Variants in LAMC1 observed in about 807,000 individuals in gnomAD.
LAMC1 encodes laminin subunit gamma 1.
Under a neutral mutation model 173.6 loss-of-function variants are expected in LAMC1, and 38 were observed. The ratio of observed to expected loss-of-function variants is 0.22; its 90% CI spans 0.17 to 0.29. The LOEUF (loss-of-function observed/expected upper bound fraction) is 0.29. Ranked by LOEUF, LAMC1 falls within the 10% of genes least tolerant of loss-of-function variation. The pLI, the probability that LAMC1 is intolerant of heterozygous loss-of-function variation, is 1.00. For missense variants in LAMC1, 1,824 were observed against 2,051.8 expected (o/e 0.89, Z 2.14); for synonymous variants, 746 against 749.1 (o/e 1.00, Z 0.07).
intron 1 of LAMC1, among the ~76,000 whole-genome samples, chr1:183,046,161 T>A (rs1158394058): frequency 6.6e-6 from 1 of 152,122 alleles, no homozygotes; most frequent in Admixed American, 6.5e-5. Flanking sequence ...ATGTAAGAAG[T>A]CTTTCCTTAT....
At chr1:183,131,188 A>T in intron 19 of LAMC1, 111 bp from the exon 20 acceptor site, 1 of 718,198 alleles carries the variant, frequency 1.4e-6, no homozygotes, top group Non-Finnish European at 2.4e-6. Flanking sequence ...AAAAAAAAAA[A>T]AAGGTAGAGG....
chr1:183,042,933 G>A (rs1001323780), intron 1 of LAMC1, among the ~76,000 whole-genome samples: 4 of 152,174 alleles, frequency 2.6e-5, no homozygotes, highest in Non-Finnish European at 5.9e-5. Flanking sequence ...ACTTGACGAT[G>A]CTGATGGTGT....
intron 22 of LAMC1, among the ~76,000 whole-genome samples, 158 bp from the exon 23 acceptor site, chr1:183,134,502 A>G (rs1351382763): frequency 6.6e-6 from 1 of 152,210 alleles, no homozygotes; most frequent in Non-Finnish European, 1.5e-5. Context: ...GTGGGTGTAA[A>G]GTATATCTCA....
In LAMC1 at chr1:183,122,120, G is replaced by A; in HGVS notation, c.2270G>A (p.Gly757Glu). The A allele has an allele frequency of 1.1e-5, 17 of 1,614,186 alleles. No homozygotes were observed. The highest frequency in any genetic ancestry group is 1.4e-5 in the Non-Finnish European group (16 of 1,180,028). Residue 757 changes from glycine to glutamate, a missense_variant, in exon 13 of 28, where the codon GGG becomes GAG. By Grantham distance (98) the Gly-to-Glu change is moderately conservative. Transcript: ENST00000258341. ...AGPHCEKCSD[G>E]YYGDSTAGTS... is the part of the protein sequence containing the mutation. ...CCGCACTGTGAGAAGTGCAGTGATG[G>A]GTACTATGGAGATTCAACTGCAGGC...
intron 11 of LAMC1, 53 bp from the exon 12 acceptor site, chr1:183,121,670 A>G: frequency 6.7e-7 from 1 of 1,493,722 alleles, no homozygotes. Context: ...GACTTTACAC[A>G]AGGTTTGGAA....
Position 183,117,704 on chromosome 1 carries a change from A to G in LAMC1, c.1858A>G (p.Thr620Ala), listed in dbSNP as rs770156961. 2 of 1,613,922 alleles carry G rather than the reference A, an allele frequency of 1.2e-6. No individual in the cohort carries two copies. The highest frequency in any genetic ancestry group is 1.1e-5 in the South Asian group (1 of 91,024). ...GGGCAATTCCTATCCAAGTGAGACC[A>G]CTGTGAAGTATGTCTTCAGGTAAGA... is the stretch of plus-strand genomic sequence containing the variant. ...AQGNSYPSETTVKYVFRLHEA... is the reference protein window; with the variant it reads ...AQGNSYPSETAVKYVFRLHEA... Residue 620 changes from threonine to alanine, a missense_variant, in exon 10 of 28, where the codon ACT becomes GCT. Transcript: ENST00000258341.
In LAMC1 at chr1:183,032,693, T is replaced by C. The variant is rs555299337; in HGVS notation, c.418+8559T>C. Among the ~76,000 whole-genome samples the C allele has an allele frequency of 5.3e-5, 8 of 152,232 alleles. No individual in the cohort carries two copies. In the South Asian group the frequency reaches 1.7e-3, roughly 32 times the overall value. On this transcript the variant is annotated intron_variant, in intron 1 of 27. Transcript: ENST00000258341. ...ATGAGTCACCATGCCTGGCCTCTTT[T>C]TTTTCTTTTTTTGAATTTGGTACGT... is the stretch of plus-strand genomic sequence containing the variant.
chr1:183,111,683 T>C (rs1461453056), intron 4 of LAMC1, among the ~76,000 whole-genome samples: 1 of 152,212 alleles, frequency 6.6e-6, no homozygotes, highest in Non-Finnish European at 1.5e-5. Context: ...CTTACAAATA[T>C]TGTTTATCAT....
intron 4 of LAMC1, among the ~76,000 whole-genome samples, chr1:183,113,659 A>G (rs1656232266): frequency 6.6e-6 from 1 of 152,160 alleles, no homozygotes; most frequent in African/African-American, 2.4e-5. Context: ...TGGAGGATCT[A>G]GATTTCTTTT....
intron 1 of LAMC1, among the ~76,000 whole-genome samples, chr1:183,089,771 A>G (rs928391137): frequency 3.1e-4 from 47 of 152,202 alleles, no homozygotes; most frequent in Admixed American, 3.3e-4. Context: ...CTGTTCTAGG[A>G]CATAGTTTTT....
Position 183,064,583 on chromosome 1 carries a change from A to G in LAMC1, c.419-38745A>G, listed in dbSNP as rs576575560. 1.5e-4 allele frequency among the ~76,000 whole-genome samples: 23 copies of G among 152,316 alleles called. 1 individual carries two copies. Among genetic ancestry groups the G allele is most frequent in the Middle Eastern group, 6.8e-3 (2 of 294 alleles). On this transcript the variant is annotated intron_variant, in intron 1 of 27. Transcript: ENST00000258341. ...TTTTTACCCAATTTTTGGTGAATCA[A>G]TGAGTAACAGTGGCCGTAGTGGTGT... is the stretch of plus-strand genomic sequence containing the variant.
chr1:183,103,461 C>A lies in LAMC1; in HGVS notation c.552C>A (p.Asn184Lys), dbSNP rs754985806. 2.5e-6 allele frequency: 4 copies of A among 1,614,200 alleles called. No homozygotes were observed. In the Admixed American group the frequency reaches 6.7e-5, roughly 27 times the overall value. ...PYQYYSGSCE[N>K]TYSKANRGFI... The stretch of plus-strand genomic sequence containing the variant: ...AGTACTACAGTGGTTCCTGTGAGAA[C>A]ACCTACTCCAAGGCAAACCGCGGCT... The change falls in exon 2 of 28, where the codon AAC becomes AAA. Residue 184 changes from asparagine (N) to lysine (K), a missense_variant. Physicochemically the swap from Asn to Lys is moderately conservative, Grantham distance 94. Coordinates refer to ENST00000258341, the MANE Select transcript of LAMC1 (RefSeq NM_002293.4).
At chr1:183,091,943 T>C (rs552832157) in intron 1 of LAMC1, among the ~76,000 whole-genome samples, 2 of 152,274 alleles carry the variant, frequency 1.3e-5, no homozygotes, top group East Asian at 3.9e-4. Context: ...AGTAAGTAGG[T>C]TTTCTAAAAA....
intron 26 of LAMC1, among the ~76,000 whole-genome samples, chr1:183,138,780 G>A (rs181015042): frequency 7.5e-4 from 114 of 152,270 alleles, no homozygotes; most frequent in Non-Finnish European, 1.2e-3. Context: ...GTGTCTGGGC[G>A]CAGTGGTTCA....
At position 183,124,671 on chromosome 1, in the gene LAMC1, C is replaced by T. The variant is rs542069688; in HGVS notation, c.2442C>T (p.Asp814=). 6.6e-5 allele frequency: 106 copies of T among 1,614,140 alleles called. No homozygotes were observed. The South Asian group carries it at 1.1e-3, about 16-fold the overall frequency. The change falls in exon 14 of 28, where the codon GAC becomes GAT. Residue 814 remains aspartate (D), a synonymous_variant. Coordinates refer to ENST00000258341, the MANE Select transcript of LAMC1 (RefSeq NM_002293.4). ...TCTGTGATGATGGCTACTTTGGAGA[C>T]CCCCTGGGTAGAAACGGCCCTGTGA... ...CELCDDGYFG[D]PLGRNGPVRL... is the part of the protein sequence containing the mutation.
intron 1 of LAMC1, among the ~76,000 whole-genome samples, chr1:183,057,481 C>T (rs1354331454): frequency 6.6e-6 from 1 of 152,216 alleles, no homozygotes; most frequent in Non-Finnish European, 1.5e-5. Context: ...TGACAGCTGG[C>T]CGGGTGCCGT....
Position 183,103,581 on chromosome 1 carries a change from C to T in LAMC1, c.672C>T (p.Thr224=). The change falls in exon 2 of 28, where the codon ACC becomes ACT. Residue 224 remains threonine, a synonymous_variant. Transcript: ENST00000258341. ...PLTGGNVAFS[T]LEGRPSAYNF... is the part of the protein sequence containing the mutation. ...CTGGGGGCAACGTGGCCTTTTCTAC[C>T]CTGGAAGGAAGGCCCAGCGCCTATA... is the stretch of plus-strand genomic sequence containing the variant. 1 of 1,607,902 alleles carries T rather than the reference C, an allele frequency of 6.2e-7. No individual in the cohort carries two copies. The highest frequency in any genetic ancestry group is 1.1e-5 in the South Asian group (1 of 90,146).
At chr1:183,064,598 C>T (rs939913946) in intron 1 of LAMC1, among the ~76,000 whole-genome samples, 7 of 151,890 alleles carry the variant, frequency 4.6e-5, no homozygotes, top group African/African-American at 9.7e-5. Flanking sequence ...TAACAGTGGC[C>T]GTAGTGGTGT....
intron 1 of LAMC1, among the ~76,000 whole-genome samples, chr1:183,066,226 T>G (rs1208737683): frequency 1.3e-5 from 2 of 152,218 alleles, no homozygotes; most frequent in Non-Finnish European, 2.9e-5. Context: ...ATGTTGTAAT[T>G]GAACAACTAA....
Sources: allele counts gnomAD v4.1 joint callset (sites outside exome capture counted in the v4.1 genomes callset), GRCh38; gene constraint gnomAD v4.1.1; transcripts MANE v1.5; gene names NCBI Gene and HGNC (gene_info 2026-07-23, HGNC 2026-07-21).